Variants in LINGO1 observed in about 807,000 individuals in gnomAD.
LINGO1 encodes the protein leucine-rich repeat and immunoglobulin-like domain-containing nogo receptor-interacting protein 1.
In LINGO1, 11 loss-of-function variants were observed where a neutral mutation model predicts 37.3. That is an observed-to-expected ratio of 0.29 (90% CI 0.19 to 0.49). LINGO1 has a LOEUF of 0.49. Ranked by LOEUF, LINGO1 falls within the 20% of genes least tolerant of loss-of-function variation. The probability of loss-of-function intolerance (pLI) is 0.99; values close to 1 mark genes in which losing one functional copy is unlikely to be tolerated. For synonymous variants in LINGO1, 387 were observed against 403.0 expected, an observed-to-expected ratio of 0.96 and a Z score of 0.48; for missense variants, 585 against 878.2, an observed-to-expected ratio of 0.67 and a Z score of 4.22.
chr15:77,780,640 G>A (rs2076706883), intron 1 of LINGO1, among the ~76,000 whole-genome samples: 1 of 152,110 alleles, frequency 6.6e-6, no homozygotes, highest in Admixed American at 6.5e-5. Context: ...ATACATCCAG[G>A]TCCTAACCCC....
chr15:77,807,835 C>T (rs1385159578), intron 1 of LINGO1, among the ~76,000 whole-genome samples: 1 of 152,048 alleles, frequency 6.6e-6, no homozygotes, highest in Non-Finnish European at 1.5e-5. Context: ...CGGAATTTTT[C>T]CAGCGTTCGT....
intron 2 of LINGO1, among the ~76,000 whole-genome samples, chr15:77,722,755 G>A (rs914344242): frequency 6.6e-6 from 1 of 152,224 alleles, no homozygotes; most frequent in Non-Finnish European, 1.5e-5. Context: ...TGGAGAGTGC[G>A]TGGGTGTAGA....
At chr15:77,643,737 C>A (rs1443000044) in intron 3 of LINGO1, among the ~76,000 whole-genome samples, 1 of 152,236 alleles carries the variant, frequency 6.6e-6, no homozygotes, top group African/African-American at 2.4e-5. Context: ...AGCCCTGGCC[C>A]AGGGGCAGCA....
intron 1 of LINGO1, among the ~76,000 whole-genome samples, chr15:77,693,559 CT>C (rs1283231035): frequency 1.3e-5 from 2 of 152,166 alleles, no homozygotes; most frequent in Admixed American, 1.3e-4. Flanking sequence ...TGAAAAGTAA[CT>C]GGAGGGTTTT....
chr15:77,752,778 G>C (rs2076384763), intron 1 of LINGO1, among the ~76,000 whole-genome samples: 1 of 152,124 alleles, frequency 6.6e-6, no homozygotes, highest in African/African-American at 2.4e-5. Flanking sequence ...ACAGGACAGA[G>C]GCCAGCCCCT....
chr15:77,778,200 T>G lies in LINGO1; in HGVS notation c.-257+8669A>C, dbSNP rs374465322. ...TGGCCACATCACTCCAATCTGCCTCTGTGGTCACATGGCCTTCTCCTCCCT... is the reference window on the plus strand; with the variant it reads ...TGGCCACATCACTCCAATCTGCCTCGGTGGTCACATGGCCTTCTCCTCCCT... On this transcript the variant is annotated intron_variant, in intron 1 of 3. Transcript: ENST00000561686. 1.3e-4 allele frequency among the ~76,000 whole-genome samples: 20 copies of G among 152,338 alleles called. No individual in the cohort carries two copies. In the East Asian group the frequency reaches 3.5e-3, roughly 26 times the overall value.
chr15:77,649,635 G>C (rs1242095787), intron 3 of LINGO1, among the ~76,000 whole-genome samples: 4 of 152,158 alleles, frequency 2.6e-5, no homozygotes, highest in African/African-American at 7.2e-5. Flanking sequence ...TGGAGAGCTG[G>C]GTCAGCTGGG....
intron 1 of LINGO1, among the ~76,000 whole-genome samples, chr15:77,813,645 T>C (rs2077024996): frequency 6.6e-6 from 1 of 152,162 alleles, no homozygotes; most frequent in African/African-American, 2.4e-5. Context: ...ATACGTTGAA[T>C]GATCATAGAT....
chr15:77,718,549 T>C (rs893442817), intron 2 of LINGO1, among the ~76,000 whole-genome samples: 3 of 150,844 alleles, frequency 2.0e-5, no homozygotes, highest in African/African-American at 7.3e-5. Context: ...ATGGCACATG[T>C]CCACACACAC....
intron 1 of LINGO1, among the ~76,000 whole-genome samples, chr15:77,631,483 C>G (rs959354944): frequency 3.9e-5 from 6 of 152,226 alleles, no homozygotes; most frequent in African/African-American, 1.4e-4. Context: ...GGCCTGGCCC[C>G]ACCCCTCCTT....
chr15:77,644,450 G>A (rs535419736), intron 3 of LINGO1, among the ~76,000 whole-genome samples: 24 of 152,294 alleles, frequency 1.6e-4, no homozygotes, highest in African/African-American at 5.8e-4. Context: ...TGGTTCCAGG[G>A]GTCCCCAAAC....
intron 3 of LINGO1, among the ~76,000 whole-genome samples, chr15:77,654,127 G>A (rs2074819089): frequency 6.6e-6 from 1 of 152,186 alleles, no homozygotes; most frequent in South Asian, 2.1e-4. Context: ...GCCTCTTCCT[G>A]CTACCATGGT....
At chr15:77,697,874 G>C (rs894563239), upstream of LINGO1, among the ~76,000 whole-genome samples, 1 of 152,208 alleles carries the variant, frequency 6.6e-6, no homozygotes, top group South Asian at 2.1e-4. Flanking sequence ...CCAGTGACAA[G>C]GCCCAGTGTC....
At position 77,686,099 on chromosome 15, in the gene LINGO1, G is replaced by A. The variant is rs55853440; in HGVS notation, c.-99+4621C>T. On this transcript the variant is annotated intron_variant, in intron 2 of 3. Coordinates refer to the LINGO1 transcript ENST00000559893. The stretch of plus-strand genomic sequence containing the variant: ...TGGAAATCCAAAGGGGTGGGACCCG[G>A]AATGGGGAGGGGAAGGTGAAGGAGG... 5.0e-3 allele frequency among the ~76,000 whole-genome samples: 765 copies of A among 152,268 alleles called. 4 individuals carry two copies. The highest frequency in any genetic ancestry group is 0.014 in the Middle Eastern group (4 of 294).
intron 1 of LINGO1, among the ~76,000 whole-genome samples, chr15:77,620,681 G>T (rs1383389957): frequency 6.6e-6 from 1 of 152,234 alleles, no homozygotes; most frequent in African/African-American, 2.4e-5. Context: ...CTTGCTAAAG[G>T]GTAAAGGGGA....
intron 3 of LINGO1, among the ~76,000 whole-genome samples, chr15:77,657,798 G>A (rs755069148): frequency 7.2e-5 from 11 of 152,182 alleles, no homozygotes; most frequent in Non-Finnish European, 1.2e-4. Flanking sequence ...GCTCCGCCGC[G>A]GGGGCTTGAG....
intron 3 of LINGO1, among the ~76,000 whole-genome samples, chr15:77,649,470 G>A (rs561407730): frequency 6.6e-6 from 1 of 152,330 alleles, no homozygotes; most frequent in African/African-American, 2.4e-5. Context: ...CATCAGAGAT[G>A]GAAGTCACCA....
intron 1 of LINGO1, among the ~76,000 whole-genome samples, chr15:77,754,440 A>G (rs140060402): frequency 1.3e-5 from 2 of 152,372 alleles, no homozygotes; most frequent in Non-Finnish European, 2.9e-5. Context: ...CAGAAACTCC[A>G]TAATTATGGA....
At chr15:77,709,182 C>G (rs777625199) in intron 2 of LINGO1, among the ~76,000 whole-genome samples, 3 of 152,128 alleles carry the variant, frequency 2.0e-5, no homozygotes, top group Non-Finnish European at 4.4e-5. Context: ...GTTACGGGAG[C>G]TCTAAAAAAC....
Sources: gnomAD v4.1 joint callset for allele counts (sites outside exome capture counted in the v4.1 genomes callset) on GRCh38, gnomAD v4.1.1 for gene constraint, MANE v1.5 for transcripts, NCBI Gene and HGNC (gene_info 2026-07-23, HGNC 2026-07-21) for gene names.